The following ELL variants were observed in gnomAD, a reference collection of about 807,000 sequenced individuals.
The protein encoded by ELL is RNA polymerase II elongation factor ELL.
In ELL, 18 loss-of-function variants were observed where a neutral mutation model predicts 64.0. The ratio of observed to expected loss-of-function variants is 0.28; its 90% confidence interval spans 0.19 to 0.42. The LOEUF (loss-of-function observed/expected upper bound fraction) is 0.42. Ranked by LOEUF, ELL falls within the 10% of genes least tolerant of loss-of-function variation. The pLI is 1.00. For synonymous variants in ELL, 399 were observed against 376.2 expected, an observed-to-expected ratio of 1.06 and a Z score of -0.70; for missense variants, 797 against 870.4, an observed-to-expected ratio of 0.92 and a Z score of 1.06.
intron 1 of ELL, among the ~76,000 whole-genome samples, chr19:18,518,867 G>A (rs894509962): frequency 9.2e-5 from 14 of 151,972 alleles, no homozygotes; most frequent in South Asian, 2.1e-4. Flanking sequence ...GTACTGCTGC[G>A]CCTTTACCTT....
chr19:18,488,551 C>T (rs1975463805), intron 1 of ELL, among the ~76,000 whole-genome samples: 1 of 152,152 alleles, frequency 6.6e-6, no homozygotes, highest in African/African-American at 2.4e-5. Context: ...CCAGCATCCA[C>T]GGGGCGGGGG....
At chr19:18,460,839 G>A (rs1320073166) in intron 5 of ELL, among the ~76,000 whole-genome samples, 1 of 152,148 alleles carries the variant, frequency 6.6e-6, no homozygotes, top group Non-Finnish European at 1.5e-5. Context: ...GCAGCGATCC[G>A]AGGAGACCCA....
intron 4 of ELL, among the ~76,000 whole-genome samples, chr19:18,464,058 G>A (rs1974888405): frequency 1.3e-5 from 2 of 151,896 alleles, no homozygotes; most frequent in African/African-American, 2.4e-5. Flanking sequence ...TTGGCTGAAG[G>A]ACCCACAGAT....
chr19:18,509,593 G>GCGCGCGCGCGCGCACACACACA (rs1438642062), intron 1 of ELL, among the ~76,000 whole-genome samples: 8 of 83,236 alleles, frequency 9.6e-5, no homozygotes, highest in Non-Finnish European at 2.0e-4. Flanking sequence ...GCGCGCGCGC[G>GCGCGCGCGCGCGCACACACACA]CACATACACA....
chr19:18,492,822 T>C (rs1975559705), intron 1 of ELL, among the ~76,000 whole-genome samples: 1 of 152,086 alleles, frequency 6.6e-6, no homozygotes, highest in Non-Finnish European at 1.5e-5. Flanking sequence ...GGCATGGCCT[T>C]GGGTGGATGA....
chr19:18,518,852 T>A (rs1228606167), intron 1 of ELL, among the ~76,000 whole-genome samples: 1 of 151,350 alleles, frequency 6.6e-6, no homozygotes, highest in African/African-American at 2.4e-5. Flanking sequence ...GGCCAGCAGC[T>A]ATGTGTACTG....
chr19:18,450,974 T>G lies in ELL; in HGVS notation c.968A>C (p.Lys323Thr). ...GATGAAATCAGGAGGCTGCAGCCGC[T>G]TCTGGAGAGGAGCAGAGATCATTTT... ...ERGRSASPPQKRLQPPDFIDP... is the reference protein window; with the variant it reads ...ERGRSASPPQTRLQPPDFIDP... Residue 323 changes from lysine (K) to threonine (T), a missense_variant and splice_region_variant, in exon 8 of 12, where the codon AAG becomes ACG. By Grantham distance (78) the Lys-to-Thr change is moderately conservative. Transcript: ENST00000262809. 1 of 1,520,958 alleles carries G rather than the reference T, an allele frequency of 6.6e-7. No individual in the cohort carries two copies. The highest frequency in any genetic ancestry group is 2.3e-5 in the East Asian group (1 of 43,926). The allele number at this position is 1,520,958 out of a possible 1,614,324, so 94.2% of individuals were successfully genotyped here.
rs1223616825 is a variant in ELL at position 18,495,187 on chromosome 19, G to A, written c.136-22305C>T. Among the ~76,000 whole-genome samples, 5 of 152,178 alleles carry A rather than the reference G, an allele frequency of 3.3e-5. No homozygotes were observed. The East Asian group carries it at 5.8e-4, about 18-fold the overall frequency. On this transcript the variant is annotated intron_variant, in intron 1 of 11. Coordinates refer to ENST00000262809, the MANE Select transcript of ELL (RefSeq NM_006532.4). Reference sequence around the variant, plus strand: ...GCCAAGGGTTAGGGACCACTGAGCCGAGAGCCGAGAGCAGAAGTGCAGGAG... The same window carrying A: ...GCCAAGGGTTAGGGACCACTGAGCCAAGAGCCGAGAGCAGAAGTGCAGGAG...
intron 2 of ELL, among the ~76,000 whole-genome samples, chr19:18,468,569 T>C (rs888451878): frequency 3.9e-5 from 6 of 152,204 alleles, no homozygotes; most frequent in African/African-American, 1.4e-4. Flanking sequence ...CCAGGGAAGC[T>C]GGGGACCACA....
chr19:18,485,879 G>A (rs893882222), intron 1 of ELL, among the ~76,000 whole-genome samples: 13 of 152,036 alleles, frequency 8.6e-5, no homozygotes, highest in Admixed American at 7.2e-4. Context: ...CCAGCTATTT[G>A]GGAGGCTGAG....
At chr19:18,460,315 T>C (rs1974778139) in intron 5 of ELL, among the ~76,000 whole-genome samples, 1 of 152,094 alleles carries the variant, frequency 6.6e-6, no homozygotes, top group Non-Finnish European at 1.5e-5. Flanking sequence ...GCATAATGAA[T>C]ATAGAAGCAA....
intron 7 of ELL, 105 bp from the exon 8 acceptor site, chr19:18,451,080 AC>A: frequency 2.2e-6 from 3 of 1,386,906 alleles, no homozygotes; most frequent in Non-Finnish European, 2.8e-6. Context: ...TGCAAGGCCC[AC>A]GCTGGCCACA....
Position 18,462,371 on chromosome 19 carries a change from G to GTGTGTGT in ELL, c.470-520_470-519insACACACA, listed in dbSNP as rs1321676465. 6.4e-4 allele frequency among the ~76,000 whole-genome samples: 49 copies of GTGTGTGT among 76,374 alleles called. 1 individual carries two copies. Among genetic ancestry groups the GTGTGTGT allele is most frequent in the East Asian group, 1.5e-3 (4 of 2,688 alleles). 50.1% of individuals were successfully genotyped at this position (76,374 alleles called of 152,430 possible). On this transcript the variant is annotated intron_variant, in intron 4 of 11. Transcript: ENST00000262809. ...TGTGTGTGTGTGTGTGTGTTTGGGC[G>GTGTGTGT]GGGGGCGGGGGGGGAAGGATTGTTT...
At chr19:18,453,231 G>A (rs918303022) in intron 6 of ELL, among the ~76,000 whole-genome samples, 1 of 152,226 alleles carries the variant, frequency 6.6e-6, no homozygotes, top group African/African-American at 2.4e-5. Context: ...CAGAGATCAT[G>A]CCATTGCACT....
intron 1 of ELL, among the ~76,000 whole-genome samples, chr19:18,516,321 T>G (rs922319701): frequency 6.6e-6 from 1 of 152,204 alleles, no homozygotes; most frequent in South Asian, 2.1e-4. Flanking sequence ...CACCCTTCCC[T>G]GCGACAGCAC....
intron 1 of ELL, among the ~76,000 whole-genome samples, chr19:18,497,844 G>A (rs907005577): frequency 2.9e-5 from 4 of 138,334 alleles, no homozygotes; most frequent in Non-Finnish European, 6.2e-5. Flanking sequence ...AAAAAAAGAT[G>A]TCAGCCAGAT....
intron 1 of ELL, among the ~76,000 whole-genome samples, chr19:18,474,764 G>T (rs1206997790): frequency 6.6e-6 from 1 of 152,092 alleles, no homozygotes; most frequent in Non-Finnish European, 1.5e-5. Context: ...TGCTGCTACT[G>T]CAGAGAACAG....
At chr19:18,505,727 G>A (rs372708034) in intron 1 of ELL, among the ~76,000 whole-genome samples, 6 of 152,240 alleles carry the variant, frequency 3.9e-5, no homozygotes, top group African/African-American at 7.2e-5. Context: ...CACGGGATGC[G>A]GCTTGTGTTC....
chr19:18,445,942 G>A (rs540379021), intron 10 of ELL, among the ~76,000 whole-genome samples: 9 of 152,112 alleles, frequency 5.9e-5, no homozygotes, highest in South Asian at 2.1e-4. Context: ...GCTCAGCTGC[G>A]GAGTCTCCTG....
Sources: gnomAD v4.1 joint callset for allele counts (sites outside exome capture counted in the v4.1 genomes callset) on GRCh38, gnomAD v4.1.1 for gene constraint, MANE v1.5 for transcripts, NCBI Gene and HGNC (gene_info 2026-07-23, HGNC 2026-07-21) for gene names.